Variants in SLC12A4 observed in about 807,000 individuals in gnomAD.
The protein encoded by SLC12A4 is electroneutral potassium-chloride cotransporter 1.
SLC12A4 carries 84 observed loss-of-function variants against 119.2 expected under a neutral mutation model. That is an observed-to-expected ratio of 0.70 (90% CI 0.59 to 0.85). The LOEUF is 0.85. SLC12A4 is among the 40% of genes least tolerant of loss of function. SLC12A4 has a pLI of 0.00. For synonymous variants in SLC12A4, 599 were observed against 604.6 expected (o/e 0.99, Z 0.14); for missense variants, 1,298 against 1,476.3 (o/e 0.88, Z 1.98).
intron 13 of SLC12A4, among the ~76,000 whole-genome samples, chr16:67,948,658 C>T (rs925280866): frequency 4.6e-5 from 7 of 152,172 alleles, no homozygotes; most frequent in African/African-American, 9.7e-5. Context: ...GGAAGGCACC[C>T]GAGGACGGGT....
At chr16:67,947,310 C>G (rs2058362336) in intron 16 of SLC12A4, 21 bp downstream of exon 16, 1 of 1,607,792 alleles carries the variant, frequency 6.2e-7, no homozygotes, top group Non-Finnish European at 8.5e-7. Context: ...GCGCCCTGGC[C>G]AGGGTCTGGC....
Position 67,944,701 on chromosome 16 carries a change from A to C in SLC12A4, c.*139T>G. ...AGGCCCAGGCCTGGTTTCCAAGGAGACCTAGCAAAGCTGGGTCCAGGACAG... is the reference window on the plus strand; with the variant it reads ...AGGCCCAGGCCTGGTTTCCAAGGAGCCCTAGCAAAGCTGGGTCCAGGACAG... On this transcript the variant is annotated 3_prime_UTR_variant, in exon 24 of 24. Transcript: ENST00000316341. The surrounding 1 kb of genome is among the most constrained non-coding windows in gnomAD (Gnocchi z 6.6). 2 of 1,437,930 alleles carry C rather than the reference A, an allele frequency of 1.4e-6. No individual in the cohort carries two copies. Among genetic ancestry groups the C allele is most frequent in the Non-Finnish European group, 9.1e-7 (1 of 1,098,738 alleles). The allele number at this position is 1,437,930 out of a possible 1,614,324, so 89.1% of individuals were successfully genotyped here. A position where few individuals can be genotyped will look rare whatever the true frequency, so the allele number is the denominator to read the frequency against.
Position 67,957,651 on chromosome 16 carries a change from G to T in SLC12A4, c.544+91C>A. ...GGGAGCCCACTACAGAACTGCTTGGGGCAGGGGTGTGCTATGGGGGTTCCC... is the reference window on the plus strand; with the variant it reads ...GGGAGCCCACTACAGAACTGCTTGGTGCAGGGGTGTGCTATGGGGGTTCCC... On this transcript the variant is annotated intron_variant, in intron 5 of 23. Transcript: ENST00000316341. 5 of 1,466,294 alleles carry T rather than the reference G, an allele frequency of 3.4e-6. No homozygotes were observed. In the East Asian group the frequency reaches 9.2e-5, roughly 27 times the overall value. The allele number at this position is 1,466,294 out of a possible 1,614,324, so 90.8% of individuals were successfully genotyped here.
At chr16:67,955,432 T>C (rs2030199140) in intron 5 of SLC12A4, among the ~76,000 whole-genome samples, 1 of 152,010 alleles carries the variant, frequency 6.6e-6, no homozygotes, top group South Asian at 2.1e-4. Flanking sequence ...TTTCAAAGAG[T>C]CAATCTTGGC....
chr16:67,964,093 C>T (rs908608994), intron 1 of SLC12A4: 2 of 1,521,988 alleles, frequency 1.3e-6, no homozygotes, highest in Non-Finnish European at 1.8e-6. Context: ...CAGGGCAGCC[C>T]GGGGCATGCC....
At chr16:67,960,015 A>C (rs2030480061) in intron 3 of SLC12A4, among the ~76,000 whole-genome samples, 1 of 152,130 alleles carries the variant, frequency 6.6e-6, no homozygotes, top group Non-Finnish European at 1.5e-5. Flanking sequence ...TCCATGAAAA[A>C]ACTACTGCAG....
intron 18 of SLC12A4, 23 bp from the exon 19 acceptor site, chr16:67,946,363 A>G (rs760379037): frequency 6.2e-7 from 1 of 1,604,826 alleles, no homozygotes; most frequent in Non-Finnish European, 8.5e-7. Flanking sequence ...AGCACGGCTG[A>G]CCACCAGTCT....
intron 3 of SLC12A4, among the ~76,000 whole-genome samples, chr16:67,959,013 C>T (rs555939614): frequency 1.3e-5 from 2 of 152,218 alleles, no homozygotes; most frequent in East Asian, 1.9e-4. Context: ...GGTTCTATCA[C>T]CAGCAGGCCC....
In SLC12A4 at chr16:67,951,251, GC is replaced by G. The variant is rs766301912; in HGVS notation, c.1185del (p.Leu396CysfsTer9). On this transcript the variant is annotated frameshift_variant, in exon 9 of 24. Coordinates refer to ENST00000316341, the MANE Select transcript of SLC12A4 (RefSeq NM_005072.5). LOFTEE classifies it high-confidence loss of function. This position sits in a 1 kb window ranked among gnomAD's most constrained non-coding sequence, Gnocchi z 5.2. ...AGGCTCGGGGCATCTGCGGAGGGCA[GC>G]CCATGCTTCTCCACGATGTCACCCT... ...LEKGDIVEKH[G>X]LPSADAPSLK... 6.2e-7 allele frequency: 1 copy of G among 1,614,104 alleles called. No individual in the cohort carries two copies. The highest frequency in any genetic ancestry group is 8.5e-7 in the Non-Finnish European group (1 of 1,179,990).
chr16:67,956,022 C>T (rs1638962820), intron 5 of SLC12A4, among the ~76,000 whole-genome samples: 1 of 151,166 alleles, frequency 6.6e-6, no homozygotes. Context: ...ACTAAAAATA[C>T]AAAAATTAGC....
chr16:67,950,539 G>A lies in SLC12A4; in HGVS notation c.1455-46C>T, dbSNP rs201322697. On this transcript the variant is annotated intron_variant, in intron 11 of 23. Coordinates refer to ENST00000316341, the MANE Select transcript of SLC12A4 (RefSeq NM_005072.5). This position sits in a 1 kb window ranked among gnomAD's most constrained non-coding sequence, Gnocchi z 4.3. ...AGGGATGTCAGGGGTCCGGAAGGAT[G>A]GCACAGACCACCAAAGGCAGCCAGC... 23 of 1,611,354 alleles carry A rather than the reference G, an allele frequency of 1.4e-5. No individual in the cohort carries two copies. The highest frequency in any genetic ancestry group is 2.0e-5 in the Non-Finnish European group (23 of 1,178,102).
In SLC12A4 at chr16:67,949,941, T is replaced by C; in HGVS notation, c.1630-23A>G. On this transcript the variant is annotated intron_variant, in intron 12 of 23. Transcript: ENST00000316341. The surrounding 1 kb of genome is among the most constrained non-coding windows in gnomAD (Gnocchi z 4.6). ...CACCTGTGTGCACCAGGAAGGAAGC[T>C]GGGTCCTGTCACCCCCATTCCACAC... The C allele has an allele frequency of 6.4e-7, 1 of 1,572,826 alleles. No homozygotes were observed. The highest frequency in any genetic ancestry group is 8.7e-7 in the Non-Finnish European group (1 of 1,143,384).
chr16:67,945,817 G>A lies in SLC12A4; in HGVS notation c.2794C>T (p.Arg932Trp), dbSNP rs1242783281. The A allele has an allele frequency of 1.2e-6, 2 of 1,613,812 alleles. No homozygotes were observed. The highest frequency in any genetic ancestry group is 1.1e-5 in the South Asian group (1 of 91,090). Residue 932 changes from arginine (R) to tryptophan (W), a missense_variant, in exon 21 of 24, where the codon CGG (arginine) becomes TGG (tryptophan). Physicochemically the swap from Arg to Trp is moderately radical, Grantham distance 101. Transcript: ENST00000316341. ...TYERTLMMEQ[R>W]SQMLRQMRLT... ...CTCATCTGCCGCAGCATCTGCGACC[G>A]CTGCTCCATCATCAGCGTCCGCTCG...
Position 67,968,448 on chromosome 16 carries a change from C to T in SLC12A4, c.106G>A (p.Asp36Asn), listed in dbSNP as rs2030961770. 6 of 1,574,222 alleles carry T rather than the reference C, an allele frequency of 3.8e-6. No homozygotes were observed. The highest frequency in any genetic ancestry group is 1.4e-5 in the African/African-American group (1 of 71,728). Reference protein sequence around the residue: ...VDYGERAELDDSDGHGNHRES... With the variant: ...VDYGERAELDNSDGHGNHRES... ...CAGAACGCGCCCTCACCGTCCGAGTCATCCAGCTCGGCGCGCTCCCCGTAG... is the reference window on the plus strand; with the variant it reads ...CAGAACGCGCCCTCACCGTCCGAGTTATCCAGCTCGGCGCGCTCCCCGTAG... The change falls in exon 1 of 24, where the codon GAC becomes AAC. Residue 36 changes from aspartate (D) to asparagine (N), a missense_variant. Asp to Asn is a conservative substitution (Grantham distance 23). Transcript: ENST00000316341.
At chr16:67,946,810 C>T in intron 17 of SLC12A4, 127 bp downstream of exon 17, 3 of 1,282,452 alleles carry the variant, frequency 2.3e-6, no homozygotes, top group Non-Finnish European at 3.2e-6. Context: ...CTTGTGCCAG[C>T]TCTCAGGTGG....
rs1358904446 is a variant in SLC12A4 at position 67,944,341 on chromosome 16, A to G, written c.*499T>C. 2 of 1,374,582 alleles carry G rather than the reference A, an allele frequency of 1.5e-6. No individual in the cohort carries two copies. The highest frequency in any genetic ancestry group is 9.4e-7 in the Non-Finnish European group (1 of 1,065,526). The allele number at this position is 1,374,582 out of a possible 1,614,324, so 85.1% of individuals were successfully genotyped here. ...GGCAGCAGGAGGCCCAGAACTACAC[A>G]ATGTTTTATTGAAAAAGTCAGGCCT... On this transcript the variant is annotated 3_prime_UTR_variant, in exon 24 of 24. Coordinates refer to ENST00000316341, the MANE Select transcript of SLC12A4 (RefSeq NM_005072.5). The surrounding 1 kb of genome is among the most constrained non-coding windows in gnomAD (Gnocchi z 6.6).
rs1013789293 is a variant in SLC12A4, at chr16:67,964,206, G to A, written c.116-647C>T. ...GACGGGTGGGTGTCGGACTGAGCAG[G>A]GAGAAAAATGGGAGCTGGGACTGCT... On this transcript the variant is annotated intron_variant, in intron 1 of 23. Coordinates refer to ENST00000316341, the MANE Select transcript of SLC12A4 (RefSeq NM_005072.5). 103 of 1,005,336 alleles carry A rather than the reference G, an allele frequency of 1.0e-4. 1 individual carries two copies. The African/African-American group carries it at 1.4e-3, about 14-fold the overall frequency. 62.3% of individuals were successfully genotyped at this position (1,005,336 alleles called of 1,614,324 possible).
intron 1 of SLC12A4, chr16:67,963,917 T>G (rs1478271166): frequency 5.2e-6 from 8 of 1,551,126 alleles, no homozygotes; most frequent in Non-Finnish European, 7.0e-6. Flanking sequence ...CCTTTCCCGG[T>G]CTTTCCGGAG....
At chr16:67,964,540 C>T (rs533975924) in intron 1 of SLC12A4, among the ~76,000 whole-genome samples, 1 of 152,244 alleles carries the variant, frequency 6.6e-6, no homozygotes, top group East Asian at 1.9e-4. Flanking sequence ...GTGTTCCCTC[C>T]ACCCCAGCTA....
Sources: gnomAD v4.1 joint callset for allele counts (sites outside exome capture counted in the v4.1 genomes callset) on GRCh38, gnomAD v4.1.1 for gene constraint, Gnocchi (gnomAD v3.1) non-coding constraint, MANE v1.5 for transcripts, NCBI Gene and HGNC (gene_info 2026-07-23, HGNC 2026-07-21) for gene names.